Variants in CAST observed in about 807,000 individuals in gnomAD.
The protein encoded by CAST is calpastatin.
Under a neutral mutation model 119.6 loss-of-function variants are expected in CAST, and 76 were observed. That is an observed-to-expected ratio of 0.64 (90% CI 0.53 to 0.77). The LOEUF (loss-of-function observed/expected upper bound fraction) is 0.77. Ranked by LOEUF, CAST falls within the 30% of genes least tolerant of loss-of-function variation. The probability of loss-of-function intolerance (pLI) is 0.00; values close to 1 mark genes in which losing one functional copy is unlikely to be tolerated. For synonymous variants in CAST, 319 were observed against 331.6 expected (o/e 0.96, Z 0.41); for missense variants, 953 against 946.5 (o/e 1.01, Z -0.09).
chr5:96,459,771 T>G, the CAST span, among the ~76,000 whole-genome samples: 1 of 152,236 alleles, frequency 6.6e-6, no homozygotes, highest in Non-Finnish European at 1.5e-5. Context: ...CATATTTGTC[T>G]TGGGACATTG....
the CAST span, chr5:96,395,090 A>G: frequency 1.6e-6 from 2 of 1,236,688 alleles, no homozygotes; most frequent in Non-Finnish European, 2.4e-6. Flanking sequence ...CTCATTCAAA[A>G]TAGCTAAAAA....
the CAST span, among the ~76,000 whole-genome samples, chr5:96,469,872 TATATATAATATATATATACACACAC>T: frequency 1.2e-4 from 12 of 101,842 alleles, no homozygotes; most frequent in African/African-American, 5.4e-4. Flanking sequence ...TGTGTATATA[TATATATAATATATATATACACACAC>T]ATATATATAA....
At chr5:96,315,566 C>T in the CAST span, among the ~76,000 whole-genome samples, 48 of 152,264 alleles carry the variant, frequency 3.2e-4, no homozygotes, top group African/African-American at 9.9e-4. Flanking sequence ...ACCATATGGT[C>T]ATTTGGGTCA....
the CAST span, among the ~76,000 whole-genome samples, chr5:96,010,695 G>C: frequency 6.6e-6 from 1 of 152,194 alleles, no homozygotes; most frequent in African/African-American, 2.4e-5. Context: ...GCTTTGGACA[G>C]TATGACCATT....
the CAST span, among the ~76,000 whole-genome samples, chr5:96,357,918 T>A: frequency 1.3e-5 from 2 of 152,170 alleles, no homozygotes; most frequent in African/African-American, 4.8e-5. Flanking sequence ...CCAGCTCCTT[T>A]TTGTACCTCT....
the CAST span, among the ~76,000 whole-genome samples, chr5:96,064,277 C>T: frequency 1.3e-5 from 2 of 152,078 alleles, no homozygotes; most frequent in African/African-American, 2.4e-5. Flanking sequence ...CCTCTTCTTA[C>T]CCTCTATAAG....
chr5:96,103,591 A>G, the CAST span, among the ~76,000 whole-genome samples: 1 of 151,180 alleles, frequency 6.6e-6, no homozygotes, highest in African/African-American at 2.4e-5. Flanking sequence ...TTCTTAATCC[A>G]GTCTATCATT....
chr5:96,284,619 A>G, the CAST span, among the ~76,000 whole-genome samples: 1 of 152,210 alleles, frequency 6.6e-6, no homozygotes, highest in South Asian at 2.1e-4. Flanking sequence ...GTGGACAAAT[A>G]GAAAATACTA....
intron 14 of CAST, 53 bp downstream of exon 14, chr5:96,741,411 T>TA (rs1338935141): frequency 1.7e-4 from 254 of 1,480,392 alleles, no homozygotes; most frequent in Middle Eastern, 6.9e-4. Context: ...TTTTGAACTT[T>TA]AAAAGAATAA....
At chr5:96,001,596 G>A in the CAST span, among the ~76,000 whole-genome samples, 1,167 of 152,304 alleles carry the variant, frequency 7.7e-3, 16 homozygotes, top group African/African-American at 0.027. Flanking sequence ...GGCTGATATT[G>A]AGTATCCAAT....
At chr5:96,390,144 C>A in the CAST span, among the ~76,000 whole-genome samples, 1 of 152,148 alleles carries the variant, frequency 6.6e-6, no homozygotes, top group African/African-American at 2.4e-5. Flanking sequence ...AGTCATACAG[C>A]TTTGCATGTT....
At chr5:96,243,410 A>G in the CAST span, among the ~76,000 whole-genome samples, 1,458 of 151,958 alleles carry the variant, frequency 9.6e-3, 31 homozygotes, top group African/African-American at 0.034. Context: ...TGTGGTTCCT[A>G]GACTTTGTGG....
chr5:96,313,995 T>A, the CAST span, among the ~76,000 whole-genome samples: 1 of 152,330 alleles, frequency 6.6e-6, no homozygotes, highest in Middle Eastern at 3.4e-3. Flanking sequence ...ACCACTGAAC[T>A]ATCATTAATC....
chr5:96,653,669 C>A lies in CAST; in HGVS notation c.61-21870C>A, dbSNP rs1424124645. ...ATTTAAAAGCTCTTTTCTTTTTCTT[C>A]TTTTCTCTCAGATCTTTATCTTGTA... On this transcript the variant is annotated intron_variant, in intron 1 of 11. Coordinates refer to the CAST transcript ENST00000505143. 2.0e-5 allele frequency among the ~76,000 whole-genome samples: 3 copies of A among 152,086 alleles called. No individual in the cohort carries two copies. In the East Asian group the frequency reaches 5.8e-4, roughly 29 times the overall value.
chr5:96,169,230 G>C, the CAST span, among the ~76,000 whole-genome samples: 44 of 152,278 alleles, frequency 2.9e-4, no homozygotes, highest in South Asian at 9.1e-3. Flanking sequence ...GCTTGACTGA[G>C]ATAATGGGGG....
chr5:96,172,158 T>C, the CAST span, among the ~76,000 whole-genome samples: 1 of 152,168 alleles, frequency 6.6e-6, no homozygotes. Flanking sequence ...GTTCTCTGGC[T>C]GGCAGGGGCG....
At chr5:96,223,145 A>G in the CAST span, among the ~76,000 whole-genome samples, 1 of 152,088 alleles carries the variant, frequency 6.6e-6, no homozygotes, top group Non-Finnish European at 1.5e-5. Flanking sequence ...AAATGAAGAG[A>G]TGTTGGTGAA....
At chr5:96,389,184 A>G in the CAST span, among the ~76,000 whole-genome samples, 1 of 152,194 alleles carries the variant, frequency 6.6e-6, no homozygotes, top group African/African-American at 2.4e-5. Flanking sequence ...GATGTACAGC[A>G]TGAGGACTAT....
chr5:96,258,199 A>C, the CAST span, among the ~76,000 whole-genome samples: 1 of 152,114 alleles, frequency 6.6e-6, no homozygotes, highest in Non-Finnish European at 1.5e-5. Context: ...TCAATAGTTC[A>C]CTTTCTGAGA....
Sources: gnomAD v4.1 joint callset for allele counts (sites outside exome capture counted in the v4.1 genomes callset) on GRCh38, gnomAD v4.1.1 for gene constraint, MANE v1.5 for transcripts, NCBI Gene and HGNC (gene_info 2026-07-23, HGNC 2026-07-21) for gene names.